The following MACROD2 variants were observed in gnomAD, a reference collection of about 807,000 sequenced individuals.
The protein encoded by MACROD2 is mono-ADP ribosylhydrolase 2.
A neutral mutation model predicts 70.4 loss-of-function variants in MACROD2; 36 were observed. The observed-to-expected ratio is 0.51, with a 90% confidence interval of 0.39 to 0.68. The LOEUF (loss-of-function observed/expected upper bound fraction) is 0.68. MACROD2 is among the 30% of genes least tolerant of loss of function. The pLI, the probability that MACROD2 is intolerant of heterozygous loss-of-function variation, is 0.00. For synonymous variants in MACROD2, 172 were observed against 178.8 expected, an observed-to-expected ratio of 0.96 and a Z score of 0.30; for missense variants, 496 against 538.4, an observed-to-expected ratio of 0.92 and a Z score of 0.78.
chr20:15,205,602 G>T (rs1014691582), intron 5 of MACROD2, among the ~76,000 whole-genome samples: 1 of 134,546 alleles, frequency 7.4e-6, no homozygotes, highest in Admixed American at 7.3e-5. Flanking sequence ...ATAGATACAG[G>T]TCTGTTGGAA....
intron 10 of MACROD2, among the ~76,000 whole-genome samples, chr20:15,892,695 CTAA>C (rs945636196): frequency 2.0e-5 from 3 of 152,182 alleles, no homozygotes; most frequent in Non-Finnish European, 4.4e-5. Flanking sequence ...GTGTGAATCA[CTAA>C]TGTTATCTAC....
chr20:15,440,145 C>T (rs377045421), intron 7 of MACROD2, among the ~76,000 whole-genome samples: 2 of 152,062 alleles, frequency 1.3e-5, no homozygotes, highest in South Asian at 4.1e-4. Context: ...TAACAGAAAT[C>T]GACTCCTGGC....
intron 4 of MACROD2, among the ~76,000 whole-genome samples, chr20:14,607,463 A>G (rs1982877465): frequency 6.6e-6 from 1 of 152,172 alleles, no homozygotes; most frequent in African/African-American, 2.4e-5. Context: ...AAAGGCAGTT[A>G]TGTCTCAACT....
rs867198571 is a variant in MACROD2, at chr20:14,965,459, T to C, written c.419-264481T>C. ...CTAAAAGTTATTTTTTTTTCTTTTT[T>C]TTTTTTTTTTTTTTTTTTTGAGACG... On this transcript the variant is annotated intron_variant, in intron 5 of 17. Coordinates refer to ENST00000684519, the MANE Select transcript of MACROD2 (RefSeq NM_001351661.2). 1.0e-2 allele frequency among the ~76,000 whole-genome samples: 1,230 copies of C among 123,596 alleles called. 6 individuals carry two copies. The highest frequency in any genetic ancestry group is 0.038 in the African/African-American group (1,154 of 30,494). 81.1% of individuals were successfully genotyped at this position (123,596 alleles called of 152,430 possible). A position where few individuals can be genotyped will look rare whatever the true frequency, so the allele number is the denominator to read the frequency against.
At chr20:15,040,586 G>C (rs901253345) in intron 5 of MACROD2, among the ~76,000 whole-genome samples, 2 of 152,108 alleles carry the variant, frequency 1.3e-5, no homozygotes, top group African/African-American at 4.8e-5. Context: ...TTTATCTCAT[G>C]TTTCATTCCC....
At chr20:14,661,566 A>G (rs1207481272) in intron 4 of MACROD2, among the ~76,000 whole-genome samples, 1 of 152,010 alleles carries the variant, frequency 6.6e-6, no homozygotes, top group Admixed American at 6.6e-5. Context: ...TTAGGTCTCA[A>G]TTGTCAATTT....
At chr20:14,491,616 A>G (rs1600298183) in intron 3 of MACROD2, among the ~76,000 whole-genome samples, 1 of 152,152 alleles carries the variant, frequency 6.6e-6, no homozygotes, top group Non-Finnish European at 1.5e-5. Context: ...ATCCACCCAC[A>G]TCTATTGGAC....
chr20:15,560,868 G>C (rs1226715872), intron 8 of MACROD2, among the ~76,000 whole-genome samples: 1 of 150,366 alleles, frequency 6.7e-6, no homozygotes, highest in Non-Finnish European at 1.5e-5. Context: ...AGGTGGTCTG[G>C]TTTATGTCTA....
chr20:15,361,548 CT>C (rs1409807944), intron 6 of MACROD2, among the ~76,000 whole-genome samples: 2 of 152,124 alleles, frequency 1.3e-5, no homozygotes, highest in African/African-American at 2.4e-5. Flanking sequence ...ATTCTAGTTC[CT>C]TTGTCATAGA....
chr20:15,026,528 A>G (rs909864068), intron 5 of MACROD2, among the ~76,000 whole-genome samples: 2 of 151,180 alleles, frequency 1.3e-5, no homozygotes, highest in African/African-American at 4.8e-5. Flanking sequence ...TTATTTATTT[A>G]TTTTTACTAT....
intron 3 of MACROD2, among the ~76,000 whole-genome samples, chr20:14,204,000 A>G (rs894833947): frequency 2.0e-5 from 3 of 152,102 alleles, no homozygotes; most frequent in Non-Finnish European, 4.4e-5. Context: ...GGTGGTAGCT[A>G]TGGCAGCTTA....
chr20:15,953,561 C>G (rs2065935582), intron 12 of MACROD2, among the ~76,000 whole-genome samples: 1 of 152,086 alleles, frequency 6.6e-6, no homozygotes, highest in African/African-American at 2.4e-5. Flanking sequence ...AACACGCATA[C>G]ACATAAGTTA....
intron 9 of MACROD2, among the ~76,000 whole-genome samples, chr20:15,884,178 A>G (rs2064793493): frequency 6.6e-6 from 1 of 152,066 alleles, no homozygotes; most frequent in South Asian, 2.1e-4. Context: ...GTGTATTTAA[A>G]GTCCATACCA....
intron 16 of MACROD2, among the ~76,000 whole-genome samples, chr20:16,042,783 G>A (rs753132391): frequency 2.0e-5 from 3 of 151,980 alleles, no homozygotes; most frequent in Non-Finnish European, 4.4e-5. Context: ...TTTATTTATG[G>A]GGTTTAAAAT....
chr20:14,774,734 T>C (rs1242902389), intron 5 of MACROD2, among the ~76,000 whole-genome samples: 3 of 152,090 alleles, frequency 2.0e-5, no homozygotes, highest in African/African-American at 7.2e-5. Context: ...TAAGATACTA[T>C]GTAAATCAGG....
rs369321102 is a variant in MACROD2, at chr20:14,161,575, GT to G, written c.271+75863del. Among the ~76,000 whole-genome samples the G allele has an allele frequency of 4.5e-3, 610 of 136,198 alleles. 3 individuals are homozygous for G. The highest frequency in any genetic ancestry group is 0.02 in the Middle Eastern group (5 of 250). 89.4% of individuals were successfully genotyped at this position (136,198 alleles called of 152,430 possible). A position where few individuals can be genotyped will look rare whatever the true frequency, so the allele number is the denominator to read the frequency against. On this transcript the variant is annotated intron_variant, in intron 3 of 17. Transcript: ENST00000684519. ...CAATCAGTTGTTGATAGACCCTTTG[GT>G]TTTTTTTTTTTTTTTCTTGAGACGA...
At chr20:16,037,348 G>T (rs1208917935) in intron 15 of MACROD2, among the ~76,000 whole-genome samples, 2 of 151,872 alleles carry the variant, frequency 1.3e-5, no homozygotes, top group African/African-American at 4.8e-5. Flanking sequence ...TACCAGAGGG[G>T]TTTCCCCATA....
chr20:15,678,796 G>GTT lies in MACROD2; in HGVS notation c.645+178949_645+178950insTT, dbSNP rs897762105. ...AGTGTAGTGGGCACAGTGGTGTGTT[G>GTT]GGAAACTGATAATCTAAAATAAGCA... On this transcript the variant is annotated intron_variant, in intron 8 of 17. Transcript: ENST00000684519. 6.0e-5 allele frequency among the ~76,000 whole-genome samples: 3 copies of GTT among 50,222 alleles called. No individual in the cohort carries two copies. The Admixed American group carries it at 6.4e-4, about 11-fold the overall frequency. 32.9% of individuals were successfully genotyped at this position (50,222 alleles called of 152,430 possible).
At chr20:14,830,483 A>G (rs568576737) in intron 5 of MACROD2, among the ~76,000 whole-genome samples, 1 of 152,268 alleles carries the variant, frequency 6.6e-6, no homozygotes, top group Non-Finnish European at 1.5e-5. Context: ...TTTTTTACTT[A>G]TTGGAAAGAG....
Sources: gnomAD v4.1 joint callset for allele counts (sites outside exome capture counted in the v4.1 genomes callset) on GRCh38, gnomAD v4.1.1 for gene constraint, MANE v1.5 for transcripts, NCBI Gene and HGNC (gene_info 2026-07-23, HGNC 2026-07-21) for gene names.